DNASE1: variants seen among roughly 807,000 people sequenced by gnomAD.
DNASE1 encodes the protein deoxyribonuclease-1.
Under a neutral mutation model 33.9 loss-of-function variants are expected in DNASE1, and 40 were observed. The observed-to-expected ratio is 1.18, with a 90% CI of 0.92 to 1.54. The LOEUF is 1.54. Ranked by LOEUF, DNASE1 falls within the 40% of genes most tolerant of loss-of-function variation. The pLI, the probability that DNASE1 is intolerant of heterozygous loss-of-function variation, is 0.00. For synonymous variants in DNASE1, 216 were observed against 160.0 expected, an observed-to-expected ratio of 1.35 and a Z score of -2.64; for missense variants, 518 against 372.6, an observed-to-expected ratio of 1.39 and a Z score of -3.21.
In DNASE1 at chr16:3,656,168, C is replaced by T; in HGVS notation, c.303C>T (p.Arg101=). 6.2e-7 allele frequency: 1 copy of T among 1,614,006 alleles called. No homozygotes were observed. The highest frequency in any genetic ancestry group is 8.5e-7 in the Non-Finnish European group (1 of 1,179,940). ...TGGGACGGAACAGCTATAAGGAGCG[C>T]TACCTGTTCGTGTACAGGTGGGTGG... The part of the protein sequence containing the change: ...EPLGRNSYKE[R]YLFVYRPDQV... Residue 101 remains arginine (R), a synonymous_variant, in exon 4 of 9, where the codon CGC becomes CGT. Coordinates refer to ENST00000246949, the MANE Select transcript of DNASE1 (RefSeq NM_005223.4).
At chr16:3,665,437 A>G (rs888010842) in exon 10 of DNASE1, 2 of 154,314 alleles carry the variant, frequency 1.3e-5, no homozygotes, top group African/African-American at 4.8e-5. Flanking sequence ...TGTAAGTTGT[A>G]TCTCAATAAA....
At chr16:3,663,683 C>A in exon 10 of DNASE1, 1 of 1,295,602 alleles carries the variant, frequency 7.7e-7, no homozygotes, top group Non-Finnish European at 1.1e-6. Context: ...AACACCGGGG[C>A]AGTTGGGGTT....
At chr16:3,655,261 C>T in intron 1 of DNASE1, 112 bp from the exon 2 acceptor site, 1 of 1,479,680 alleles carries the variant, frequency 6.8e-7, no homozygotes, top group Admixed American at 1.9e-5. Flanking sequence ...GCCTGCGTCC[C>T]CCTGACCTTG....
chr16:3,638,104 AGTGTGTGTGTGTGT>A (rs58884007), upstream of DNASE1, among the ~76,000 whole-genome samples: 9 of 143,558 alleles, frequency 6.3e-5, no homozygotes, highest in South Asian at 2.3e-4. Flanking sequence ...AGTTTTTGTG[AGTGTGTGTGTGTGT>A]GTGTGTGTGT....
exon 10 of DNASE1, chr16:3,663,678 C>T (rs899670443): frequency 8.0e-6 from 11 of 1,374,400 alleles, no homozygotes; most frequent in South Asian, 5.3e-5. Flanking sequence ...TGGGGAACAC[C>T]GGGGCAGTTG....
At chr16:3,627,269 C>T in intron 1 of DNASE1, among the ~76,000 whole-genome samples, 1 of 149,772 alleles carries the variant, frequency 6.7e-6, no homozygotes, top group Non-Finnish European at 1.5e-5. Context: ...GTTTGCATGA[C>T]ATATCCTTTT....
At chr16:3,645,202 CTG>C (rs927832194) in intron 1 of DNASE1, among the ~76,000 whole-genome samples, 6 of 152,330 alleles carry the variant, frequency 3.9e-5, no homozygotes, top group Non-Finnish European at 2.9e-5. Context: ...CCACTTTACA[CTG>C]TGTGTCCTTT....
intron 1 of DNASE1, among the ~76,000 whole-genome samples, chr16:3,628,101 C>T (rs753589100): frequency 1.3e-5 from 2 of 152,022 alleles, no homozygotes; most frequent in African/African-American, 2.4e-5. Flanking sequence ...TTACTTATAT[C>T]TTCATTAATT....
At chr16:3,650,190 C>T (rs537519445), upstream of DNASE1, among the ~76,000 whole-genome samples, 48 of 152,268 alleles carry the variant, frequency 3.2e-4, no homozygotes, top group Admixed American at 5.2e-4. Context: ...ATTTTACCTG[C>T]AGCTCATACT....
chr16:3,627,937 CAAA>C (rs55920324), intron 1 of DNASE1, among the ~76,000 whole-genome samples: 5,806 of 80,270 alleles, frequency 0.072, 128 homozygotes, highest in Non-Finnish European at 0.091. Flanking sequence ...TCTATTTCTG[CAAA>C]AAAAAAAAAA....
intron 1 of DNASE1, among the ~76,000 whole-genome samples, chr16:3,633,265 C>T (rs776629680): frequency 4.6e-5 from 7 of 152,118 alleles, no homozygotes; most frequent in Non-Finnish European, 1.0e-4. Flanking sequence ...TATATGATTA[C>T]ATTTTTTCCT....
upstream of DNASE1, among the ~76,000 whole-genome samples, chr16:3,641,544 C>A (rs534820817): frequency 6.6e-6 from 1 of 152,310 alleles, no homozygotes; most frequent in South Asian, 2.1e-4. Context: ...TGGAGGCCAT[C>A]CCTGTGGGAA....
exon 10 of DNASE1, chr16:3,664,621 C>T: frequency 1.4e-6 from 1 of 722,996 alleles, no homozygotes; most frequent in South Asian, 2.1e-5. Context: ...GAGAGCAGGC[C>T]TTGCTCTGCC....
exon 10 of DNASE1, chr16:3,664,152 C>G: frequency 9.2e-7 from 1 of 1,091,892 alleles, no homozygotes; most frequent in East Asian, 2.8e-5. Context: ...TGCCCGTGAC[C>G]CTGACCCACT....
downstream of DNASE1, chr16:3,658,935 G>C: frequency 2.0e-6 from 3 of 1,502,534 alleles, no homozygotes; most frequent in South Asian, 2.3e-5. Context: ...CATGTTTTGG[G>C]ATTATCAGGA....
At chr16:3,643,526 C>G (rs1216401827) in intron 1 of DNASE1, among the ~76,000 whole-genome samples, 2 of 152,208 alleles carry the variant, frequency 1.3e-5, no homozygotes, top group South Asian at 2.1e-4. Flanking sequence ...TTCACTGTCT[C>G]ACTGCTGCCC....
At chr16:3,645,053 G>A (rs1339580155) in intron 1 of DNASE1, among the ~76,000 whole-genome samples, 3 of 150,658 alleles carry the variant, frequency 2.0e-5, no homozygotes, top group Non-Finnish European at 4.4e-5. Context: ...AAGATCACTT[G>A]AGCCTGGGAG....
chr16:3,623,639 G>C (rs2041401400), intron 1 of DNASE1, among the ~76,000 whole-genome samples: 1 of 152,230 alleles, frequency 6.6e-6, no homozygotes, highest in Middle Eastern at 3.4e-3. Context: ...AAACCCATTA[G>C]TAAGTGAGCA....
At chr16:3,662,335 G>A (rs149268494), downstream of DNASE1, 125 of 667,458 alleles carry the variant, frequency 1.9e-4, no homozygotes, top group South Asian at 5.2e-4. Context: ...TACTGTGCCC[G>A]AGGGGCTCCA....
Sources: allele counts gnomAD v4.1 joint callset (sites outside exome capture counted in the v4.1 genomes callset), GRCh38; gene constraint gnomAD v4.1.1; transcripts MANE v1.5; gene names NCBI Gene and HGNC (gene_info 2026-07-23, HGNC 2026-07-21).